TRIM44: variants seen among roughly 807,000 people sequenced by gnomAD.
The protein encoded by TRIM44 is tripartite motif-containing protein 44.
In TRIM44, 13 loss-of-function variants were observed where a neutral mutation model predicts 37.4. The observed-to-expected ratio is 0.35, with a 90% CI of 0.23 to 0.55. The LOEUF (loss-of-function observed/expected upper bound fraction) is 0.55, where lower values mean the gene tolerates loss of function less well. TRIM44 is among the 20% of genes least tolerant of loss of function. The pLI is 0.89. For synonymous variants in TRIM44, 175 were observed against 157.2 expected, an observed-to-expected ratio of 1.11 and a Z score of -0.85; for missense variants, 426 against 437.2, an observed-to-expected ratio of 0.97 and a Z score of 0.23.
chr11:35,762,706 G>A (rs1002524853), intron 4 of TRIM44, among the ~76,000 whole-genome samples: 4 of 152,178 alleles, frequency 2.6e-5, no homozygotes, highest in Non-Finnish European at 5.9e-5. Flanking sequence ...CTCAGAATCA[G>A]TGTGATGCAA....
intron 3 of TRIM44, 129 bp downstream of exon 3, chr11:35,726,292 T>C: frequency 8.0e-7 from 1 of 1,249,612 alleles, no homozygotes; most frequent in Non-Finnish European, 1.1e-6. Context: ...GTGTTTCACA[T>C]GGTGTATAAA....
chr11:35,741,338 G>T (rs1309633874), intron 4 of TRIM44, among the ~76,000 whole-genome samples: 2 of 152,124 alleles, frequency 1.3e-5, no homozygotes, highest in South Asian at 2.1e-4. Flanking sequence ...GCATTGTGCT[G>T]CCTGTCTATA....
At chr11:35,675,634 G>T (rs1250568578) in intron 1 of TRIM44, among the ~76,000 whole-genome samples, 6 of 152,132 alleles carry the variant, frequency 3.9e-5, no homozygotes, top group African/African-American at 1.4e-4. Context: ...TGATTCTCCT[G>T]CCTCAGCCTC....
chr11:35,756,479 T>A (rs1022974956), intron 4 of TRIM44, among the ~76,000 whole-genome samples: 6 of 152,206 alleles, frequency 3.9e-5, no homozygotes, highest in African/African-American at 1.4e-4. Flanking sequence ...CCTCTTTTCC[T>A]AATTAAATGC....
chr11:35,700,469 C>T (rs1851771973), intron 2 of TRIM44, among the ~76,000 whole-genome samples: 1 of 152,226 alleles, frequency 6.6e-6, no homozygotes, highest in African/African-American at 2.4e-5. Context: ...TCTCCTCACA[C>T]ACCTTGCTTG....
At chr11:35,683,798 T>C (rs1209486760) in intron 1 of TRIM44, among the ~76,000 whole-genome samples, 4 of 151,956 alleles carry the variant, frequency 2.6e-5, no homozygotes, top group African/African-American at 9.7e-5. Flanking sequence ...TGTTCATTCA[T>C]TGATTTGTTC....
At chr11:35,784,049 A>C (rs1021212379) in intron 4 of TRIM44, among the ~76,000 whole-genome samples, 4 of 152,206 alleles carry the variant, frequency 2.6e-5, no homozygotes, top group African/African-American at 9.6e-5. Flanking sequence ...ACTGGGGAGC[A>C]GAATGTGCTA....
At chr11:35,728,063 C>T (rs1383288995) in intron 3 of TRIM44, among the ~76,000 whole-genome samples, 1 of 152,198 alleles carries the variant, frequency 6.6e-6, no homozygotes, top group Non-Finnish European at 1.5e-5. Flanking sequence ...TGGTGGCTCA[C>T]GCCTGTAATC....
At chr11:35,737,610 T>C (rs901720825) in intron 4 of TRIM44, among the ~76,000 whole-genome samples, 4 of 152,084 alleles carry the variant, frequency 2.6e-5, no homozygotes, top group African/African-American at 9.7e-5. Flanking sequence ...CCGAGGCAGG[T>C]GGATCACCTG....
chr11:35,663,983 A>G (rs1851306348), intron 1 of TRIM44, among the ~76,000 whole-genome samples: 1 of 152,140 alleles, frequency 6.6e-6, no homozygotes, highest in Non-Finnish European at 1.5e-5. Context: ...GACCTGAGAA[A>G]ATACACACAA....
At chr11:35,735,985 G>A (rs1269399247) in intron 4 of TRIM44, among the ~76,000 whole-genome samples, 1 of 152,078 alleles carries the variant, frequency 6.6e-6, no homozygotes, top group Non-Finnish European at 1.5e-5. Context: ...GTTTAGAAGT[G>A]CATTTTATTA....
chr11:35,725,200 A>G (rs1244940821), intron 2 of TRIM44, among the ~76,000 whole-genome samples: 1 of 152,060 alleles, frequency 6.6e-6, no homozygotes, highest in African/African-American at 2.4e-5. Flanking sequence ...AGACAACCAT[A>G]TTTTCCCTAT....
chr11:35,800,881 G>A (rs774499879), intron 4 of TRIM44, among the ~76,000 whole-genome samples: 19 of 152,228 alleles, frequency 1.2e-4, no homozygotes, highest in Non-Finnish European at 2.8e-4. Context: ...TAATTTCCCA[G>A]ATAAGGATAC....
At chr11:35,726,730 A>C (rs529869786) in intron 3 of TRIM44, among the ~76,000 whole-genome samples, 1 of 152,248 alleles carries the variant, frequency 6.6e-6, no homozygotes, top group African/African-American at 2.4e-5. Flanking sequence ...TAAATGTTGA[A>C]TCACTATACA....
intron 3 of TRIM44, among the ~76,000 whole-genome samples, chr11:35,729,852 A>C (rs950601148): frequency 1.8e-4 from 28 of 152,352 alleles, no homozygotes; most frequent in African/African-American, 6.7e-4. Flanking sequence ...CCAAAGAACC[A>C]ATAAAAATCT....
At position 35,814,650 on chromosome 11, in the gene TRIM44, A is replaced by G. The variant is rs748213485; in HGVS notation, c.*8265A>G. The G allele has an allele frequency of 3.3e-5, 5 of 152,124 alleles. No individual in the cohort carries two copies. The highest frequency in any genetic ancestry group is 5.9e-5 in the Non-Finnish European group (4 of 68,022). 9.4% of individuals were successfully genotyped at this position (152,124 alleles called of 1,614,324 possible). A position where few individuals can be genotyped will look rare whatever the true frequency, so the allele number is the denominator to read the frequency against. ...CTGATTATATATAGAGATGGTCTAAATCAGCTGCATCCCATTTGGTACCCA... is the reference window on the plus strand; with the variant it reads ...CTGATTATATATAGAGATGGTCTAAGTCAGCTGCATCCCATTTGGTACCCA... On this transcript the variant is annotated 3_prime_UTR_variant, in exon 5 of 5. Coordinates refer to ENST00000299413, the MANE Select transcript of TRIM44 (RefSeq NM_017583.6).
At chr11:35,678,891 C>T (rs990058608) in intron 1 of TRIM44, among the ~76,000 whole-genome samples, 2 of 152,050 alleles carry the variant, frequency 1.3e-5, no homozygotes, top group Non-Finnish European at 2.9e-5. Flanking sequence ...TGAGTCACTG[C>T]GCCTGACCAA....
rs1853449066 is a variant in TRIM44 at position 35,806,395 on chromosome 11, AC to A, written c.*15del. 4 of 1,613,264 alleles carry A rather than the reference AC, an allele frequency of 2.5e-6. No individual in the cohort carries two copies. The East Asian group carries it at 6.7e-5, about 27-fold the overall frequency. The stretch of plus-strand genomic sequence containing the variant: ...AGAAGAGGACACATGAAGGCTTGCT[AC>A]CCCCAGTGGAAAATCATCCCCTCCC... On this transcript the variant is annotated 3_prime_UTR_variant, in exon 5 of 5. Transcript: ENST00000299413.
chr11:35,689,479 G>T (rs546792709), intron 2 of TRIM44, among the ~76,000 whole-genome samples: 1 of 152,214 alleles, frequency 6.6e-6, no homozygotes, highest in Admixed American at 6.5e-5. Context: ...TACATAATAC[G>T]CTGTCCTAAT....
Sources: allele counts gnomAD v4.1 joint callset (sites outside exome capture counted in the v4.1 genomes callset), GRCh38; gene constraint gnomAD v4.1.1; transcripts MANE v1.5; gene names NCBI Gene and HGNC (gene_info 2026-07-23, HGNC 2026-07-21).